PNPLA1: variants seen among roughly 807,000 people sequenced by gnomAD.
PNPLA1 encodes the protein omega-hydroxyceramide transacylase.
In PNPLA1, 36 loss-of-function variants were observed where a neutral mutation model predicts 51.7. That is an observed-to-expected ratio of 0.70 (90% CI 0.53 to 0.92). The LOEUF (loss-of-function observed/expected upper bound fraction) is 0.92. PNPLA1 is among the 40% of genes least tolerant of loss of function. The pLI, the probability that PNPLA1 is intolerant of heterozygous loss-of-function variation, is 0.00. For synonymous variants in PNPLA1, 293 were observed against 280.1 expected (o/e 1.05, Z -0.46); for missense variants, 658 against 682.5 (o/e 0.96, Z 0.40).
At chr6:36,278,693 C>A (rs916471202) in intron 1 of PNPLA1, among the ~76,000 whole-genome samples, 5 of 152,170 alleles carry the variant, frequency 3.3e-5, no homozygotes, top group African/African-American at 9.7e-5. Context: ...TCAGTAATTT[C>A]TTTTAAAGTT....
chr6:36,257,258 C>T (rs573399098), intron 1 of PNPLA1, among the ~76,000 whole-genome samples: 14 of 152,290 alleles, frequency 9.2e-5, no homozygotes, highest in East Asian at 1.9e-4. Flanking sequence ...GCCCCAACAA[C>T]GCTTTCTTTC....
upstream of PNPLA1, among the ~76,000 whole-genome samples, chr6:36,269,214 C>T (rs1355017545): frequency 2.0e-5 from 3 of 152,184 alleles, no homozygotes; most frequent in Admixed American, 2.0e-4. Context: ...GCCTTGGTGT[C>T]TTGATTCTGA....
In PNPLA1 at chr6:36,302,546, A is replaced by G. The variant is rs189838389; in HGVS notation, c.1384+77A>G. ...CAAGCGAGCAAGGACACCAGGGCTG[A>G]TAACCGCTTCTTTAGGGGTGCGTGG... On this transcript the variant is annotated intron_variant, in intron 6 of 8. Transcript: ENST00000636260. The G allele has an allele frequency of 1.7e-3, 2,475 of 1,497,344 alleles. 4 individuals carry two copies. Among genetic ancestry groups the G allele is most frequent in the Non-Finnish European group, 1.9e-3 (2,115 of 1,125,360 alleles). The allele number at this position is 1,497,344 out of a possible 1,614,324, so 92.8% of individuals were successfully genotyped here.
Position 36,258,771 on chromosome 6 carries a change from A to G in PNPLA1, c.-81+15510A>G, listed in dbSNP as rs373049440. Among the ~76,000 whole-genome samples the G allele has an allele frequency of 2.4e-4, 36 of 152,366 alleles. No individual in the cohort carries two copies. In the East Asian group the frequency reaches 6.4e-3, roughly 27 times the overall value. ...AAACAGAATTAGGATTTGTTTAGTC[A>G]GGAAGAAAGGGACCAGAATCCAATA... is the stretch of plus-strand genomic sequence containing the variant. On this transcript the variant is annotated intron_variant, in intron 1 of 7. Transcript: ENST00000312917.
chr6:36,259,997 T>G (rs1015837202), intron 1 of PNPLA1, among the ~76,000 whole-genome samples: 1 of 152,102 alleles, frequency 6.6e-6, no homozygotes, highest in Non-Finnish European at 1.5e-5. Context: ...AATTTTTTTT[T>G]TAAGAAATGA....
rs2127358920 is a variant in PNPLA1, at chr6:36,313,075, C to T, written c.*1189C>T. Among the ~76,000 whole-genome samples the T allele has an allele frequency of 6.6e-6, 1 of 152,204 alleles. No individual in the cohort carries two copies. The highest frequency in any genetic ancestry group is 2.1e-4 in the South Asian group (1 of 4,816). On this transcript the variant is annotated 3_prime_UTR_variant, in exon 9 of 9. Transcript: ENST00000636260. ...CGCTGGCTGAATTTGGTCAGGCAGCCCAGGCATTGAGATCTTTAGAGCTCC... is the reference window on the plus strand; with the variant it reads ...CGCTGGCTGAATTTGGTCAGGCAGCTCAGGCATTGAGATCTTTAGAGCTCC...
intron 5 of PNPLA1, among the ~76,000 whole-genome samples, chr6:36,296,415 CT>C (rs1211334272): frequency 2.0e-5 from 3 of 152,156 alleles, no homozygotes; most frequent in South Asian, 4.1e-4. Flanking sequence ...TTGTGACTGT[CT>C]TTTTTGGCAG....
chr6:36,298,617 T>C (rs958843765), intron 5 of PNPLA1, among the ~76,000 whole-genome samples: 1 of 152,264 alleles, frequency 6.6e-6, no homozygotes, highest in Non-Finnish European at 1.5e-5. Flanking sequence ...GCTGATGATT[T>C]TGACTACACT....
At chr6:36,305,768 C>CTTTTTTTTTTTTTTTTTTTTTTT (rs72063246) in intron 6 of PNPLA1, among the ~76,000 whole-genome samples, 1 of 96,574 alleles carries the variant, frequency 1.0e-5, no homozygotes, top group African/African-American at 4.0e-5. Flanking sequence ...TTACTTTTCT[C>CTTTTTTTTTTTTTTTTTTTTTTT]TTTTTTTTTT....
At chr6:36,280,200 G>A (rs760632646) in intron 1 of PNPLA1, among the ~76,000 whole-genome samples, 15 of 152,290 alleles carry the variant, frequency 9.8e-5, no homozygotes, top group Admixed American at 2.6e-4. Flanking sequence ...GCAAGACTCC[G>A]TCTCAAAAAA....
At chr6:36,298,028 T>C (rs1236961072) in intron 5 of PNPLA1, among the ~76,000 whole-genome samples, 3 of 152,248 alleles carry the variant, frequency 2.0e-5, no homozygotes, top group Non-Finnish European at 2.9e-5. Context: ...TCTGCCATTA[T>C]AGATTAATTC....
At chr6:36,310,474 T>C (rs1193965364) in intron 8 of PNPLA1, among the ~76,000 whole-genome samples, 1 of 152,200 alleles carries the variant, frequency 6.6e-6, no homozygotes, top group Non-Finnish European at 1.5e-5. Context: ...ATCCTCCAAA[T>C]TCCTACCAAG....
At position 36,302,001 on chromosome 6, in the gene PNPLA1, G is replaced by A. The variant is rs536510288; in HGVS notation, c.916G>A (p.Gly306Arg). Residue 306 changes from glycine (G) to arginine (R), a missense_variant, in exon 6 of 9, where the codon GGA becomes AGA. Physicochemically the swap from Gly to Arg is moderately radical, Grantham distance 125. Coordinates refer to ENST00000636260, the MANE Select transcript of PNPLA1 (RefSeq NM_001374623.1). Reference protein sequence around the residue: ...SLRARQASLEGATQPHKEWVP... With the variant: ...SLRARQASLERATQPHKEWVP... ...TCGAGCACGGCAGGCCAGTCTGGAA[G>A]GAGCCACACAACCTCACAAGGAGTG... 1.2e-6 allele frequency: 2 copies of A among 1,614,218 alleles called. No individual in the cohort carries two copies. The highest frequency in any genetic ancestry group is 4.5e-5 in the East Asian group (2 of 44,880).
intron 5 of PNPLA1, among the ~76,000 whole-genome samples, chr6:36,301,221 G>A (rs13208903): frequency 0.66 from 99,992 of 150,408 alleles, 33,912 homozygotes; most frequent in Middle Eastern, 0.73. Context: ...CCCAGGCTCA[G>A]GCAACCCTTT....
rs147252130 is a variant in PNPLA1, at chr6:36,281,319, TA to T, written c.206-9996del. Among the ~76,000 whole-genome samples, 464 of 152,324 alleles carry T rather than the reference TA, an allele frequency of 3.0e-3. 10 individuals carry two copies. In the East Asian group the frequency reaches 0.059, roughly 19 times the overall value. On this transcript the variant is annotated intron_variant, in intron 1 of 8. Transcript: ENST00000636260. The stretch of plus-strand genomic sequence containing the variant: ...ACTTTCAGAATCAAAATGTCTTCAT[TA>T]AAAATCACTCCCAAAATTAGTTATC...
chr6:36,311,194 G>A (rs1417639003), intron 8 of PNPLA1, among the ~76,000 whole-genome samples: 2 of 152,190 alleles, frequency 1.3e-5, no homozygotes, highest in African/African-American at 4.8e-5. Flanking sequence ...GAGAACCACT[G>A]GATTACTATG....
intron 6 of PNPLA1, among the ~76,000 whole-genome samples, chr6:36,303,773 A>C (rs564141477): frequency 5.9e-5 from 9 of 152,246 alleles, no homozygotes; most frequent in Admixed American, 1.3e-4. Flanking sequence ...TGGAGGTTGC[A>C]GGGAGCCAAG....
chr6:36,306,185 T>A, intron 6 of PNPLA1, 107 bp from the exon 7 acceptor site: 3 of 826,988 alleles, frequency 3.6e-6, no homozygotes, highest in Non-Finnish European at 5.8e-6. Flanking sequence ...ACAAGAGAGT[T>A]CTTTGCTGTT....
In PNPLA1 at chr6:36,295,372, C is replaced by G. The variant is rs150792918; in HGVS notation, c.723C>G (p.His241Gln). 14 of 1,614,048 alleles carry G rather than the reference C, an allele frequency of 8.7e-6. No homozygotes were observed. Among genetic ancestry groups the G allele is most frequent in the Non-Finnish European group, 1.2e-5 (14 of 1,180,040 alleles). ...GGTGCCTCCGCCCACAGATCCTGCA[C>G]GATTACTACTACCGAGGGTACGAGG... ...ALFPPDLVILHDYYYRGYEDA... is the reference protein window; with the variant it reads ...ALFPPDLVILQDYYYRGYEDA... Residue 241 changes from histidine to glutamine, a missense_variant, in exon 5 of 9, where the codon CAC becomes CAG. By Grantham distance (24) the His-to-Gln change is conservative. Transcript: ENST00000636260.
Sources: gnomAD v4.1 joint callset for allele counts (sites outside exome capture counted in the v4.1 genomes callset) on GRCh38, gnomAD v4.1.1 for gene constraint, MANE v1.5 for transcripts, NCBI Gene and HGNC (gene_info 2026-07-23, HGNC 2026-07-21) for gene names.